Variants in SNX29 observed in about 807,000 individuals in gnomAD.
SNX29 encodes the protein sorting nexin 29.
A neutral mutation model predicts 102.1 loss-of-function variants in SNX29; 78 were observed. The ratio of observed to expected loss-of-function variants is 0.76; its 90% CI spans 0.64 to 0.92. The LOEUF (loss-of-function observed/expected upper bound fraction) is 0.92, where lower values mean the gene tolerates loss of function less well. Among genes scored for constraint, SNX29 ranks in the 40% least tolerant of loss-of-function variants. SNX29 has a pLI of 0.00. For missense variants in SNX29, 1,280 were observed against 1,061.7 expected, an observed-to-expected ratio of 1.21 and a Z score of -2.86; for synonymous variants, 580 against 414.5, an observed-to-expected ratio of 1.40 and a Z score of -4.85.
At chr16:11,999,227 G>A in intron 1 of SNX29, 70 bp from the exon 2 acceptor site, 3 of 1,393,726 alleles carry the variant, frequency 2.2e-6, no homozygotes, top group South Asian at 2.4e-5. Flanking sequence ...CAGTAGGAAA[G>A]GACTGATCTA....
At chr16:12,512,998 A>C (rs1327473320) in intron 19 of SNX29, among the ~76,000 whole-genome samples, 2 of 152,028 alleles carry the variant, frequency 1.3e-5, no homozygotes, top group Non-Finnish European at 2.9e-5. Flanking sequence ...GTCCCCCCAG[A>C]GGGCAGTGGC....
chr16:12,044,861 G>A (rs1333138592), intron 5 of SNX29, among the ~76,000 whole-genome samples: 2 of 152,302 alleles, frequency 1.3e-5, no homozygotes, highest in Admixed American at 1.3e-4. Flanking sequence ...GATTACAGGC[G>A]TGAGTTACTG....
intron 20 of SNX29, among the ~76,000 whole-genome samples, chr16:12,547,534 G>T (rs556431021): frequency 1.3e-5 from 2 of 152,176 alleles, no homozygotes; most frequent in South Asian, 4.1e-4. Flanking sequence ...AGAGGAACTG[G>T]AAGAACAGAG....
At chr16:12,534,860 A>G (rs192837576) in intron 20 of SNX29, among the ~76,000 whole-genome samples, 15 of 152,260 alleles carry the variant, frequency 9.9e-5, no homozygotes, top group Admixed American at 7.2e-4. Flanking sequence ...GATTGTCCCA[A>G]CCATGGGGGA....
At chr16:12,284,735 T>C (rs1405759284) in intron 15 of SNX29, among the ~76,000 whole-genome samples, 1 of 151,466 alleles carries the variant, frequency 6.6e-6, no homozygotes, top group Non-Finnish European at 1.5e-5. Context: ...TTTTTTTTTC[T>C]TTTTTTTGAG....
chr16:12,161,337 G>C (rs752486966), intron 13 of SNX29, among the ~76,000 whole-genome samples: 1 of 152,146 alleles, frequency 6.6e-6, no homozygotes, highest in South Asian at 2.1e-4. Context: ...GAGGTTCCCC[G>C]ACCTCTGACT....
intron 13 of SNX29, among the ~76,000 whole-genome samples, chr16:12,189,644 A>G (rs1567293766): frequency 1.3e-5 from 2 of 152,048 alleles, no homozygotes; most frequent in Non-Finnish European, 2.9e-5. Flanking sequence ...ATTAATACAT[A>G]TTTTGTAGGG....
Position 12,190,629 on chromosome 16 carries a change from C to T in SNX29, c.1596-8972C>T, listed in dbSNP as rs555542385. ...AGAATCAGATCAACCTTAGCAAAGA[C>T]ACATGGGGCAGAAAGAGCTTGGCTG... is the stretch of plus-strand genomic sequence containing the variant. On this transcript the variant is annotated intron_variant, in intron 13 of 20. Coordinates refer to ENST00000566228, the MANE Select transcript of SNX29 (RefSeq NM_032167.5). 9.4e-4 allele frequency among the ~76,000 whole-genome samples: 143 copies of T among 152,220 alleles called. 1 individual carries two copies. Among genetic ancestry groups the T allele is most frequent in the African/African-American group, 3.2e-3 (132 of 41,524 alleles).
chr16:12,144,450 C>G lies in SNX29; in HGVS notation c.1595+14692C>G, dbSNP rs2054977410. Among the ~76,000 whole-genome samples, 3 of 152,126 alleles carry G rather than the reference C, an allele frequency of 2.0e-5. No homozygotes were observed. In the South Asian group the frequency reaches 6.2e-4, roughly 32 times the overall value. On this transcript the variant is annotated intron_variant, in intron 13 of 20. Coordinates refer to ENST00000566228, the MANE Select transcript of SNX29 (RefSeq NM_032167.5). ...AAGCAACAGTATAAAAAGGTGGTACCACCTGAGAGGTGATTAGACCATGAG... is the reference window on the plus strand; with the variant it reads ...AAGCAACAGTATAAAAAGGTGGTACGACCTGAGAGGTGATTAGACCATGAG...
chr16:12,080,317 C>T (rs2051800891), intron 11 of SNX29, among the ~76,000 whole-genome samples: 2 of 152,184 alleles, frequency 1.3e-5, no homozygotes, highest in Non-Finnish European at 2.9e-5. Flanking sequence ...TGAGCAGACA[C>T]CGTAAGGCTG....
chr16:12,569,446 C>T lies in SNX29; in HGVS notation c.*817C>T, dbSNP rs114452427. 3.9e-3 allele frequency: 893 copies of T among 231,086 alleles called. 10 individuals are homozygous for T. Among genetic ancestry groups the T allele is most frequent in the African/African-American group, 0.018 (824 of 45,332 alleles). The allele number at this position is 231,086 out of a possible 1,614,324, so 14.3% of individuals were successfully genotyped here. A position where few individuals can be genotyped will look rare whatever the true frequency, so the allele number is the denominator to read the frequency against. On this transcript the variant is annotated 3_prime_UTR_variant, in exon 21 of 21. Coordinates refer to ENST00000566228, the MANE Select transcript of SNX29 (RefSeq NM_032167.5). Reference sequence around the variant, plus strand: ...TCCAGCGTGTCCAAAGTAGCATTGGCCCTACAGTCATGAGAGACTTGGGTC... The same window carrying T: ...TCCAGCGTGTCCAAAGTAGCATTGGTCCTACAGTCATGAGAGACTTGGGTC...
chr16:12,115,357 C>T (rs1471219466), intron 11 of SNX29, among the ~76,000 whole-genome samples: 1 of 152,050 alleles, frequency 6.6e-6, no homozygotes, highest in East Asian at 1.9e-4. Flanking sequence ...GAGAGCCAGG[C>T]CAGTGAAACC....
chr16:12,529,246 C>T lies in SNX29; in HGVS notation c.2318+4405C>T, dbSNP rs143684225. On this transcript the variant is annotated intron_variant, in intron 20 of 20. Coordinates refer to ENST00000566228, the MANE Select transcript of SNX29 (RefSeq NM_032167.5). ...GTGGCCCAGGGGGGACCAGAGTCTA[C>T]TCCCCAAGACAAGGAACAGATGAGT... is the stretch of plus-strand genomic sequence containing the variant. 3.6e-3 allele frequency among the ~76,000 whole-genome samples: 552 copies of T among 152,308 alleles called. 7 individuals are homozygous for T. Among genetic ancestry groups the T allele is most frequent in the South Asian group, 0.023 (113 of 4,830 alleles).
intron 11 of SNX29, among the ~76,000 whole-genome samples, chr16:12,111,008 G>T (rs1447530148): frequency 6.6e-6 from 1 of 151,984 alleles, no homozygotes; most frequent in Non-Finnish European, 1.5e-5. Context: ...TAAAGATAGG[G>T]TCTGTAGTGA....
At chr16:12,108,815 G>GTA (rs1321343637) in intron 11 of SNX29, among the ~76,000 whole-genome samples, 1 of 152,116 alleles carries the variant, frequency 6.6e-6, no homozygotes, top group African/African-American at 2.4e-5. Context: ...TTATAACAGA[G>GTA]TACTTGAAGT....
intron 20 of SNX29, among the ~76,000 whole-genome samples, chr16:12,548,309 C>G (rs554531847): frequency 1.3e-5 from 2 of 152,294 alleles, no homozygotes; most frequent in African/African-American, 4.8e-5. Context: ...CCCTGGAGCC[C>G]TACTCTCCTG....
intron 18 of SNX29, among the ~76,000 whole-genome samples, chr16:12,475,594 C>T (rs1567602184): frequency 1.3e-5 from 2 of 152,292 alleles, no homozygotes; most frequent in East Asian, 1.9e-4. Flanking sequence ...CATAGCTCAG[C>T]CTAGTCTACC....
chr16:12,453,703 C>A (rs980531075), intron 18 of SNX29, among the ~76,000 whole-genome samples: 1 of 152,130 alleles, frequency 6.6e-6, no homozygotes, highest in African/African-American at 2.4e-5. Flanking sequence ...CCTTTTCTTG[C>A]TTTTTGCATA....
intron 13 of SNX29, among the ~76,000 whole-genome samples, chr16:12,149,913 G>A (rs1016912823): frequency 2.6e-5 from 4 of 152,170 alleles, no homozygotes; most frequent in East Asian, 1.9e-4. Flanking sequence ...AGAACAGTTT[G>A]TGCCAAGGGG....
Sources: gnomAD v4.1 joint callset for allele counts (sites outside exome capture counted in the v4.1 genomes callset) on GRCh38, gnomAD v4.1.1 for gene constraint, MANE v1.5 for transcripts, NCBI Gene and HGNC (gene_info 2026-07-23, HGNC 2026-07-21) for gene names.